STAG1: variants seen among roughly 807,000 people sequenced by gnomAD.
The protein encoded by STAG1 is cohesin subunit SA-1.
STAG1 carries 26 observed loss-of-function variants against 170.9 expected under a neutral mutation model. That is an observed-to-expected ratio of 0.15 (90% CI 0.11 to 0.21). STAG1 has a LOEUF of 0.21. Ranked by LOEUF, STAG1 falls within the 10% of genes least tolerant of loss-of-function variation. STAG1 has a pLI of 1.00. For missense variants in STAG1, 964 were observed against 1,509.5 expected, an observed-to-expected ratio of 0.64 and a Z score of 5.99; for synonymous variants, 514 against 497.7, an observed-to-expected ratio of 1.03 and a Z score of -0.44.
In STAG1 at chr3:136,421,082, A is replaced by G. The variant is rs1171245029; in HGVS notation, c.2108+11T>C. The G allele has an allele frequency of 1.9e-6, 3 of 1,578,078 alleles. No homozygotes were observed. The African/African-American group carries it at 4.1e-5, about 21-fold the overall frequency. On this transcript the variant is annotated intron_variant, in intron 20 of 33. Coordinates refer to ENST00000383202, the MANE Select transcript of STAG1 (RefSeq NM_005862.3). ...CACCTCGTTGCCTTTACTTTAAATAAAATAACGTACTTGTGAAAAGAAGTT... is the reference window on the plus strand; with the variant it reads ...CACCTCGTTGCCTTTACTTTAAATAGAATAACGTACTTGTGAAAAGAAGTT...
At chr3:136,500,793 T>A (rs1933421176) in intron 8 of STAG1, among the ~76,000 whole-genome samples, 1 of 152,162 alleles carries the variant, frequency 6.6e-6, no homozygotes, top group African/African-American at 2.4e-5. Flanking sequence ...TAACAGAAGA[T>A]AAAAAGGATC....
chr3:136,734,108 CAAAAA>C (rs11456348), intron 1 of STAG1, among the ~76,000 whole-genome samples: 4 of 101,778 alleles, frequency 3.9e-5, no homozygotes, highest in African/African-American at 9.1e-5. Context: ...GACTCCATCT[CAAAAA>C]AAAAAAAAAA....
intron 1 of STAG1, among the ~76,000 whole-genome samples, chr3:136,650,148 A>G (rs1049808847): frequency 1.6e-4 from 25 of 151,538 alleles, no homozygotes; most frequent in African/African-American, 5.8e-4. Flanking sequence ...AGGTGAGAGG[A>G]TGGCTGAAGC....
intron 22 of STAG1, among the ~76,000 whole-genome samples, chr3:136,388,230 G>A (rs1388223447): frequency 6.6e-6 from 1 of 152,162 alleles, no homozygotes; most frequent in African/African-American, 2.4e-5. Context: ...GGAAAGTGAA[G>A]CTCAAGGTGA....
chr3:136,386,448 A>G (rs1052947423), intron 22 of STAG1, among the ~76,000 whole-genome samples: 2 of 152,166 alleles, frequency 1.3e-5, no homozygotes, highest in Non-Finnish European at 2.9e-5. Context: ...CATATAAGCT[A>G]TATTAGAAAG....
At chr3:136,486,628 C>T (rs2090018363) in intron 9 of STAG1, among the ~76,000 whole-genome samples, 2 of 152,092 alleles carry the variant, frequency 1.3e-5, no homozygotes, top group African/African-American at 4.8e-5. Flanking sequence ...TGGAAGCAGG[C>T]TGAGGACAAA....
intron 22 of STAG1, among the ~76,000 whole-genome samples, chr3:136,380,921 G>C (rs1437548281): frequency 2.0e-5 from 3 of 151,390 alleles, no homozygotes; most frequent in Non-Finnish European, 4.4e-5. Context: ...TCAGGAAGCT[G>C]AGGCAAGAGA....
intron 4 of STAG1, among the ~76,000 whole-genome samples, chr3:136,574,317 A>T (rs1197204225): frequency 6.6e-6 from 1 of 151,458 alleles, no homozygotes; most frequent in African/African-American, 2.4e-5. Context: ...GCCACAATAA[A>T]GGATATATAT....
intron 1 of STAG1, among the ~76,000 whole-genome samples, chr3:136,644,654 G>T (rs907470107): frequency 2.0e-5 from 3 of 152,140 alleles, no homozygotes; most frequent in Non-Finnish European, 4.4e-5. Flanking sequence ...CAGTTTACTA[G>T]ACTCATTTCT....
At chr3:136,617,555 G>A (rs2107824444) in intron 3 of STAG1, among the ~76,000 whole-genome samples, 1 of 152,290 alleles carries the variant, frequency 6.6e-6, no homozygotes, top group East Asian at 1.9e-4. Flanking sequence ...GTTCCTGAAA[G>A]ATTGACTTAG....
intron 29 of STAG1, among the ~76,000 whole-genome samples, chr3:136,348,292 G>GT (rs558291233): frequency 0.011 from 1,514 of 138,854 alleles, 6 homozygotes; most frequent in Middle Eastern, 0.037. Flanking sequence ...CAATTTTTAG[G>GT]TTTTTTTTTT....
At chr3:136,735,123 C>CT (rs201093463) in intron 1 of STAG1, among the ~76,000 whole-genome samples, 43 of 148,038 alleles carry the variant, frequency 2.9e-4, no homozygotes, top group South Asian at 2.4e-3. Flanking sequence ...TCCTTACTCC[C>CT]TTTTTTTTTT....
intron 22 of STAG1, among the ~76,000 whole-genome samples, chr3:136,396,790 T>C (rs1221538690): frequency 6.6e-6 from 1 of 152,070 alleles, no homozygotes; most frequent in Non-Finnish European, 1.5e-5. Flanking sequence ...CCTCCCAAAG[T>C]GCTGGGATTA....
At chr3:136,429,164 T>C (rs527980372) in intron 16 of STAG1, among the ~76,000 whole-genome samples, 2 of 151,184 alleles carry the variant, frequency 1.3e-5, no homozygotes, top group Admixed American at 6.6e-5. Flanking sequence ...CCCAGCACTT[T>C]GGGAGGCCGA....
chr3:136,690,056 C>CAAAAAAAAAAAAAAAAAAAAAACA (rs1942669339), intron 1 of STAG1, among the ~76,000 whole-genome samples: 4 of 56,388 alleles, frequency 7.1e-5, no homozygotes, highest in Non-Finnish European at 1.3e-4. Context: ...AAAAGCAAAC[C>CAAAAAAAAAAAAAAAAAAAAAACA]AAAAAAAAAA....
chr3:136,630,919 A>T lies in STAG1; in HGVS notation c.-21T>A. The T allele has an allele frequency of 6.4e-7, 1 of 1,562,286 alleles. No homozygotes were observed. Among genetic ancestry groups the T allele is most frequent in the South Asian group, 1.2e-5 (1 of 83,928 alleles). On this transcript the variant is annotated 5_prime_UTR_variant, in exon 2 of 34. Coordinates refer to ENST00000383202, the MANE Select transcript of STAG1 (RefSeq NM_005862.3). Reference sequence around the variant, plus strand: ...ATCATTGCTGGAGAGGTCCTTTCACAATGCAGCAAAATAATCAAGTGCTGT... The same window carrying T: ...ATCATTGCTGGAGAGGTCCTTTCACTATGCAGCAAAATAATCAAGTGCTGT...
At chr3:136,545,534 C>T (rs1057298111) in intron 5 of STAG1, among the ~76,000 whole-genome samples, 4 of 152,024 alleles carry the variant, frequency 2.6e-5, no homozygotes, top group East Asian at 1.9e-4. Flanking sequence ...TATCAGTATA[C>T]CAGAAATGTA....
chr3:136,685,511 C>A (rs1031626454), intron 1 of STAG1, among the ~76,000 whole-genome samples: 2 of 152,182 alleles, frequency 1.3e-5, no homozygotes, highest in African/African-American at 2.4e-5. Flanking sequence ...CATATGTCCA[C>A]ACACGTTTAT....
rs1487533833 is a variant in STAG1, at chr3:136,703,983, G to A, written c.-84+48212C>T. Among the ~76,000 whole-genome samples, 3 of 151,750 alleles carry A rather than the reference G, an allele frequency of 2.0e-5. No individual in the cohort carries two copies. In the East Asian group the frequency reaches 5.9e-4, roughly 30 times the overall value. On this transcript the variant is annotated intron_variant, in intron 1 of 33. Coordinates refer to ENST00000383202, the MANE Select transcript of STAG1 (RefSeq NM_005862.3). Reference sequence around the variant, plus strand: ...GCCAAGACTGTGTCACTGCACTCCAGGCTGGGTGACAGAGCAAGACTCCAT... The same window carrying A: ...GCCAAGACTGTGTCACTGCACTCCAAGCTGGGTGACAGAGCAAGACTCCAT...
Sources: allele counts gnomAD v4.1 joint callset (sites outside exome capture counted in the v4.1 genomes callset), GRCh38; gene constraint gnomAD v4.1.1; transcripts MANE v1.5; gene names NCBI Gene and HGNC (gene_info 2026-07-23, HGNC 2026-07-21).